Variants in RBFOX1 observed in about 807,000 individuals in gnomAD.
RBFOX1 encodes the protein RNA binding protein fox-1 homolog 1.
RBFOX1 carries 8 observed loss-of-function variants against 57.7 expected under a neutral mutation model. That is an observed-to-expected ratio of 0.14 (90% CI 0.08 to 0.25). The LOEUF (loss-of-function observed/expected upper bound fraction) is 0.25, where lower values mean the gene tolerates loss of function less well. Among genes scored for constraint, RBFOX1 ranks in the 10% least tolerant of loss-of-function variants. RBFOX1 has a pLI of 1.00. For synonymous variants in RBFOX1, 326 were observed against 222.4 expected (o/e 1.47, Z -4.15); for missense variants, 611 against 548.5 (o/e 1.11, Z -1.14).
intron 3 of RBFOX1, among the ~76,000 whole-genome samples, chr16:6,687,702 A>G (rs889908030): frequency 1.3e-5 from 2 of 152,096 alleles, no homozygotes; most frequent in Non-Finnish European, 2.9e-5. Flanking sequence ...GGTTTTTCAA[A>G]GTTGCAGCGG....
At chr16:7,365,280 C>G (rs368694283) in intron 4 of RBFOX1, among the ~76,000 whole-genome samples, 41 of 152,172 alleles carry the variant, frequency 2.7e-4, no homozygotes, top group East Asian at 2.3e-3. Context: ...ATGTAAAGGA[C>G]CTTGCCACTT....
chr16:5,268,855 C>T (rs1262452029), intron 1 of RBFOX1, among the ~76,000 whole-genome samples: 1 of 152,170 alleles, frequency 6.6e-6, no homozygotes, highest in Non-Finnish European at 1.5e-5. Flanking sequence ...TTTTAACACC[C>T]ACCAGCAGTG....
At chr16:7,118,630 A>T (rs1412317805) in intron 4 of RBFOX1, among the ~76,000 whole-genome samples, 1 of 151,968 alleles carries the variant, frequency 6.6e-6, no homozygotes, top group East Asian at 1.9e-4. Context: ...TTATCTTATC[A>T]CCTCTGTCAT....
At chr16:7,038,039 A>G (rs959834447) in intron 3 of RBFOX1, among the ~76,000 whole-genome samples, 5 of 152,356 alleles carry the variant, frequency 3.3e-5, no homozygotes, top group South Asian at 4.1e-4. Flanking sequence ...CATATATTCT[A>G]TCCCAGTAGA....
chr16:7,368,649 G>C lies in RBFOX1; in HGVS notation c.28-149498G>C, dbSNP rs9930401. Among the ~76,000 whole-genome samples the C allele has an allele frequency of 4.0e-5, 6 of 151,232 alleles. No homozygotes were observed. In the South Asian group the frequency reaches 1.0e-3, roughly 26 times the overall value. ...AAAAAAATTAGCCAGGCGTGGTGGC[G>C]GGCACCTGTAGTCCCAGCTACTCAG... On this transcript the variant is annotated intron_variant, in intron 4 of 15. Transcript: ENST00000550418.
chr16:7,101,982 C>G (rs193063255), intron 4 of RBFOX1, among the ~76,000 whole-genome samples: 6 of 152,276 alleles, frequency 3.9e-5, no homozygotes, highest in Admixed American at 2.6e-4. Flanking sequence ...CTGTATCCAT[C>G]CAGAGACAAG....
chr16:5,268,305 G>A (rs1025327139), intron 1 of RBFOX1, among the ~76,000 whole-genome samples: 2 of 152,144 alleles, frequency 1.3e-5, no homozygotes, highest in Non-Finnish European at 2.9e-5. Context: ...AACTGTGCCT[G>A]GATTCTTAGC....
intron 3 of RBFOX1, among the ~76,000 whole-genome samples, chr16:5,777,166 G>A (rs1255855394): frequency 1.3e-5 from 2 of 152,138 alleles, no homozygotes; most frequent in African/African-American, 4.8e-5. Flanking sequence ...AAATCAGCAA[G>A]GTTGTTTTCC....
intron 14 of RBFOX1, among the ~76,000 whole-genome samples, chr16:7,686,260 T>C (rs1192006558): frequency 6.6e-6 from 1 of 151,998 alleles, no homozygotes; most frequent in Non-Finnish European, 1.5e-5. Context: ...AATACATTTG[T>C]TTTTGGTTGT....
At chr16:5,768,937 A>C (rs2053883666) in intron 3 of RBFOX1, among the ~76,000 whole-genome samples, 1 of 151,158 alleles carries the variant, frequency 6.6e-6, no homozygotes, top group African/African-American at 2.4e-5. Context: ...TTATCAGATG[A>C]AAAAAAAATA....
intron 2 of RBFOX1, among the ~76,000 whole-genome samples, chr16:5,581,570 T>C (rs2046667815): frequency 6.6e-6 from 1 of 152,186 alleles, no homozygotes; most frequent in Non-Finnish European, 1.5e-5. Flanking sequence ...CAAGAGCATG[T>C]TACAGGAGTC....
chr16:6,677,600 A>C (rs1405344973), intron 3 of RBFOX1, among the ~76,000 whole-genome samples: 1 of 152,198 alleles, frequency 6.6e-6, no homozygotes, highest in Non-Finnish European at 1.5e-5. Flanking sequence ...AGAGCCTTAC[A>C]TTTTCAATCA....
At chr16:5,909,161 G>A (rs539614253) in intron 4 of RBFOX1, among the ~76,000 whole-genome samples, 1 of 140,074 alleles carries the variant, frequency 7.1e-6, no homozygotes, top group African/African-American at 2.7e-5. Flanking sequence ...GGTGCGGTCT[G>A]GGCTCACTGC....
At chr16:5,628,780 C>G (rs138444639) in intron 3 of RBFOX1, among the ~76,000 whole-genome samples, 1 of 152,300 alleles carries the variant, frequency 6.6e-6, no homozygotes, top group East Asian at 1.9e-4. Context: ...CAAGAAATAT[C>G]AAATTTGAGC....
intron 4 of RBFOX1, among the ~76,000 whole-genome samples, chr16:7,178,903 G>A (rs937553760): frequency 6.6e-6 from 1 of 151,976 alleles, no homozygotes. Context: ...TTACTGATTT[G>A]GTTAACAAGA....
intron 3 of RBFOX1, among the ~76,000 whole-genome samples, chr16:6,769,782 T>G (rs1331689137): frequency 6.6e-6 from 1 of 152,182 alleles, no homozygotes; most frequent in African/African-American, 2.4e-5. Context: ...TAAACTTACC[T>G]CTAGAAAAGT....
chr16:7,347,345 C>G (rs943205734), intron 4 of RBFOX1, among the ~76,000 whole-genome samples: 1 of 152,146 alleles, frequency 6.6e-6, no homozygotes, highest in Non-Finnish European at 1.5e-5. Flanking sequence ...ACATGTTTCA[C>G]ATGGATGACA....
intron 5 of RBFOX1, among the ~76,000 whole-genome samples, chr16:7,563,239 TA>T (rs1442324025): frequency 1.3e-5 from 2 of 152,188 alleles, no homozygotes; most frequent in Admixed American, 1.3e-4. Flanking sequence ...TGCTGGTTAT[TA>T]TAATAATCAT....
chr16:6,134,786 A>G (rs1315469260), intron 1 of RBFOX1, among the ~76,000 whole-genome samples: 1 of 151,396 alleles, frequency 6.6e-6, no homozygotes, highest in Non-Finnish European at 1.5e-5. Flanking sequence ...CACGCCATAA[A>G]CTCAGAGTAT....
Sources: allele counts gnomAD v4.1 joint callset (sites outside exome capture counted in the v4.1 genomes callset), GRCh38; gene constraint gnomAD v4.1.1; transcripts MANE v1.5; gene names NCBI Gene and HGNC (gene_info 2026-07-23, HGNC 2026-07-21).